PEPD: variants seen among roughly 807,000 people sequenced by gnomAD.
PEPD encodes xaa-Pro dipeptidase.
A neutral mutation model predicts 60.7 loss-of-function variants in PEPD; 53 were observed. The ratio of observed to expected loss-of-function variants is 0.87; its 90% CI spans 0.70 to 1.10. PEPD has a LOEUF of 1.10. Ranked by LOEUF, PEPD falls within the 50% of genes least tolerant of loss-of-function variation. PEPD has a pLI of 0.00. For synonymous variants in PEPD, 267 were observed against 284.1 expected (o/e 0.94, Z 0.60); for missense variants, 711 against 711.9 (o/e 1.00, Z 0.01).
chr19:33,445,955 C>T (rs1182824575), intron 9 of PEPD, among the ~76,000 whole-genome samples: 2 of 152,202 alleles, frequency 1.3e-5, no homozygotes, highest in Admixed American at 6.5e-5. Flanking sequence ...GAGAAATCCA[C>T]GACCTCTAGC....
chr19:33,387,096 C>T lies in PEPD; in HGVS notation c.*248G>A. 1 of 550,014 alleles carries T rather than the reference C, an allele frequency of 1.8e-6. No individual in the cohort carries two copies. Among genetic ancestry groups the T allele is most frequent in the Non-Finnish European group, 3.2e-6 (1 of 309,024 alleles). 34.1% of individuals were successfully genotyped at this position (550,014 alleles called of 1,614,324 possible). A position where few individuals can be genotyped will look rare whatever the true frequency, so the allele number is the denominator to read the frequency against. On this transcript the variant is annotated 3_prime_UTR_variant, in exon 15 of 15. Transcript: ENST00000244137. ...TGCTACTAAAGAACAGCATTATTTTCAATCATTTTAAGTCGCTCATTTAAT... is the reference window on the plus strand; with the variant it reads ...TGCTACTAAAGAACAGCATTATTTTTAATCATTTTAAGTCGCTCATTTAAT...
chr19:33,445,340 C>T (rs1026935773), intron 9 of PEPD, among the ~76,000 whole-genome samples: 2 of 152,318 alleles, frequency 1.3e-5, no homozygotes, highest in South Asian at 2.1e-4. Context: ...AACAGTGTTC[C>T]CCCAAATTTA....
chr19:33,498,334 G>A (rs1397749728), intron 4 of PEPD, among the ~76,000 whole-genome samples: 1 of 152,184 alleles, frequency 6.6e-6, no homozygotes, highest in Non-Finnish European at 1.5e-5. Context: ...GACGAAGAAT[G>A]AGCCGGTCTC....
chr19:33,485,982 G>A (rs565688933), intron 6 of PEPD, among the ~76,000 whole-genome samples: 1 of 152,142 alleles, frequency 6.6e-6, no homozygotes, highest in African/African-American at 2.4e-5. Context: ...ATGGAAACTT[G>A]ATGGACAGGC....
At chr19:33,407,730 G>A (rs1026507226) in intron 11 of PEPD, among the ~76,000 whole-genome samples, 1 of 152,216 alleles carries the variant, frequency 6.6e-6, no homozygotes, top group African/African-American at 2.4e-5. Flanking sequence ...GGTTCATGGC[G>A]AACCCCAGGA....
At chr19:33,502,082 T>C (rs1970723820) in intron 3 of PEPD, among the ~76,000 whole-genome samples, 3 of 152,132 alleles carry the variant, frequency 2.0e-5, no homozygotes, top group Non-Finnish European at 4.4e-5. Flanking sequence ...CCCAGGCTCT[T>C]GGTCAGGAGA....
At chr19:33,391,868 C>T (rs1190956300) in intron 12 of PEPD, among the ~76,000 whole-genome samples, 4 of 152,204 alleles carry the variant, frequency 2.6e-5, no homozygotes, top group Non-Finnish European at 5.9e-5. Flanking sequence ...ATGCACGTCT[C>T]CCCAGTAGCA....
chr19:33,439,174 G>A (rs923480540), intron 9 of PEPD, among the ~76,000 whole-genome samples: 2 of 152,252 alleles, frequency 1.3e-5, no homozygotes, highest in Non-Finnish European at 2.9e-5. Flanking sequence ...CCCCTGAGGA[G>A]GGAAAAGTGC....
chr19:33,424,370 G>C (rs73588214), intron 9 of PEPD, among the ~76,000 whole-genome samples: 1 of 152,226 alleles, frequency 6.6e-6, no homozygotes, highest in South Asian at 2.1e-4. Flanking sequence ...TTGAGCCAGC[G>C]AGGGAGCTCC....
At chr19:33,450,174 G>T (rs1188153037) in intron 9 of PEPD, among the ~76,000 whole-genome samples, 1 of 152,204 alleles carries the variant, frequency 6.6e-6, no homozygotes, top group Non-Finnish European at 1.5e-5. Flanking sequence ...GGCCTGAGTT[G>T]CTCGTCCCTC....
chr19:33,406,080 GAC>G (rs1234826879), intron 11 of PEPD, among the ~76,000 whole-genome samples: 2 of 152,224 alleles, frequency 1.3e-5, no homozygotes, highest in Non-Finnish European at 2.9e-5. Flanking sequence ...AGGTGGGTGA[GAC>G]ACAAGGACAG....
chr19:33,387,710 CTCTGTCTGTTCCT>C (rs1968109132), intron 14 of PEPD, 167 bp downstream of exon 14: 1 of 762,190 alleles, frequency 1.3e-6, no homozygotes, highest in Admixed American at 2.1e-5. Flanking sequence ...TTTGCAGGAT[CTCTGTCTGTTCCT>C]ACTGAGGGGT....
At chr19:33,483,550 C>A (rs1970347313) in intron 6 of PEPD, among the ~76,000 whole-genome samples, 1 of 152,178 alleles carries the variant, frequency 6.6e-6, no homozygotes, top group Admixed American at 6.5e-5. Flanking sequence ...TGGCTCACAC[C>A]TGTAATCCCA....
chr19:33,388,546 G>A lies in PEPD; in HGVS notation c.1153-465C>T, dbSNP rs77075875. Reference sequence around the variant, plus strand: ...CAAGTAGAAACTGGCCCCAGAAGTCGTGGTCCCAGCTCCCCTAGGCCGAGG... The same window carrying A: ...CAAGTAGAAACTGGCCCCAGAAGTCATGGTCCCAGCTCCCCTAGGCCGAGG... On this transcript the variant is annotated intron_variant, in intron 13 of 14. Transcript: ENST00000244137. 936 of 284,680 alleles carry A rather than the reference G, an allele frequency of 3.3e-3. 24 individuals carry two copies. The East Asian group carries it at 0.065, about 20-fold the overall frequency. 17.6% of individuals were successfully genotyped at this position (284,680 alleles called of 1,614,324 possible).
intron 6 of PEPD, among the ~76,000 whole-genome samples, chr19:33,480,207 C>T (rs564893238): frequency 3.9e-5 from 6 of 152,186 alleles, no homozygotes; most frequent in African/African-American, 1.2e-4. Context: ...TGATGAGAAA[C>T]GATATGCTAC....
chr19:33,470,657 G>A (rs562413411), intron 7 of PEPD, among the ~76,000 whole-genome samples: 1 of 152,276 alleles, frequency 6.6e-6, no homozygotes, highest in South Asian at 2.1e-4. Context: ...CACCGGCACA[G>A]ACACACAGTA....
intron 5 of PEPD, among the ~76,000 whole-genome samples, chr19:33,492,781 C>T (rs1314345213): frequency 2.0e-5 from 3 of 152,362 alleles, no homozygotes; most frequent in South Asian, 2.1e-4. Context: ...CGACAGGACA[C>T]AGCAGGTCCC....
intron 8 of PEPD, 125 bp downstream of exon 8, chr19:33,463,862 C>T (rs1051094621): frequency 5.7e-5 from 41 of 725,452 alleles, no homozygotes; most frequent in Non-Finnish European, 8.5e-5. Context: ...CTGTGTAAAA[C>T]TTCCTACCTC....
chr19:33,407,448 G>A (rs958219495), intron 11 of PEPD, among the ~76,000 whole-genome samples: 2 of 152,204 alleles, frequency 1.3e-5, no homozygotes, highest in African/African-American at 4.8e-5. Context: ...AAGACGACCA[G>A]GAGAAGCAGG....
Sources: gnomAD v4.1 joint callset for allele counts (sites outside exome capture counted in the v4.1 genomes callset) on GRCh38, gnomAD v4.1.1 for gene constraint, MANE v1.5 for transcripts, NCBI Gene and HGNC (gene_info 2026-07-23, HGNC 2026-07-21) for gene names.